TIMM23B: variants seen among roughly 807,000 people sequenced by gnomAD.
TIMM23B encodes the protein mitochondrial import inner membrane translocase subunit Tim23B.
A neutral mutation model predicts 27.3 loss-of-function variants in TIMM23B; 27 were observed. The ratio of observed to expected loss-of-function variants is 0.99; its 90% CI spans 0.73 to 1.36. The LOEUF (loss-of-function observed/expected upper bound fraction) is 1.36. TIMM23B is among the 40% of genes most tolerant of loss of function. The pLI, the probability that TIMM23B is intolerant of heterozygous loss-of-function variation, is 0.00. For missense variants in TIMM23B, 205 were observed against 244.2 expected (o/e 0.84, Z 1.07); for synonymous variants, 73 against 92.4 (o/e 0.79, Z 1.21).
chr10:49,970,804 C>T (rs1440636158), intron 6 of TIMM23B, among the ~76,000 whole-genome samples: 3 of 152,096 alleles, frequency 2.0e-5, no homozygotes, highest in African/African-American at 7.2e-5. Context: ...CCCCTCTGCC[C>T]GGCCGCCACC....
intron 1 of TIMM23B, among the ~76,000 whole-genome samples, chr10:49,943,737 G>T (rs1304356445): frequency 7.0e-5 from 8 of 113,628 alleles, no homozygotes; most frequent in East Asian, 2.4e-4. Flanking sequence ...GTTTTTGTGG[G>T]TTTTTTTTTT....
At chr10:49,962,454 G>A (rs1363208218) in intron 6 of TIMM23B, among the ~76,000 whole-genome samples, 6 of 152,138 alleles carry the variant, frequency 3.9e-5, no homozygotes, top group African/African-American at 1.4e-4. Context: ...GCCCACCTCA[G>A]CCTCCCAAAG....
chr10:49,949,197 C>CTTTTTTTT (rs1318050672), intron 2 of TIMM23B, among the ~76,000 whole-genome samples: 3 of 106,594 alleles, frequency 2.8e-5, no homozygotes, highest in South Asian at 7.1e-4. Context: ...CATGCCTGGC[C>CTTTTTTTT]TTTTTTTTTT....
chr10:49,955,285 A>T (rs1839678290), intron 5 of TIMM23B, among the ~76,000 whole-genome samples: 1 of 152,210 alleles, frequency 6.6e-6, no homozygotes, highest in Non-Finnish European at 1.5e-5. Flanking sequence ...CTGAATTTTT[A>T]AAATATTTTG....
At chr10:49,942,890 G>A (rs1208697760) in intron 1 of TIMM23B, among the ~76,000 whole-genome samples, 8 of 152,146 alleles carry the variant, frequency 5.3e-5, no homozygotes, top group East Asian at 1.9e-4. Flanking sequence ...GGTATACAGA[G>A]GCATAAATAT....
At chr10:49,963,809 A>G (rs1378628825) in intron 6 of TIMM23B, among the ~76,000 whole-genome samples, 14 of 152,172 alleles carry the variant, frequency 9.2e-5, no homozygotes, top group Admixed American at 2.6e-4. Flanking sequence ...CTACTAAAAT[A>G]CAAAAACTAG....
intron 5 of TIMM23B, among the ~76,000 whole-genome samples, chr10:49,957,140 C>G (rs1406344134): frequency 1.3e-5 from 2 of 152,024 alleles, no homozygotes; most frequent in Admixed American, 1.3e-4. Context: ...TGCTTCTGAC[C>G]AACCAGCTTT....
In TIMM23B at chr10:49,972,992, T is replaced by A; in HGVS notation, c.515-20T>A. 7.2e-7 allele frequency: 1 copy of A among 1,379,512 alleles called. No individual in the cohort carries two copies. Among genetic ancestry groups the A allele is most frequent in the Non-Finnish European group, 9.9e-7 (1 of 1,007,768 alleles). The allele number at this position is 1,379,512 out of a possible 1,614,324, so 85.5% of individuals were successfully genotyped here. On this transcript the variant is annotated intron_variant, in intron 6 of 6. Coordinates refer to ENST00000651259, the MANE Select transcript of TIMM23B (RefSeq NM_001290117.2). ...TTTCTTGATAATATGTTTGGTTATT[T>A]TTGTTTTCATTGCTTTTAGTGTCAG...
At chr10:49,955,809 A>T (rs1419329639) in intron 5 of TIMM23B, among the ~76,000 whole-genome samples, 2 of 152,192 alleles carry the variant, frequency 1.3e-5, no homozygotes, top group African/African-American at 4.8e-5. Context: ...TTGTCACAGA[A>T]TTTGGAAGCA....
chr10:49,962,031 A>G, intron 6 of TIMM23B, among the ~76,000 whole-genome samples: 1 of 150,654 alleles, frequency 6.6e-6, no homozygotes, highest in African/African-American at 2.4e-5. Flanking sequence ...GGGTCTTATG[A>G]AAGTTTTTGA....
At chr10:49,966,203 GATGAA>G (rs1244128011) in intron 6 of TIMM23B, among the ~76,000 whole-genome samples, 10 of 146,842 alleles carry the variant, frequency 6.8e-5, no homozygotes, top group African/African-American at 2.3e-4. Flanking sequence ...AAAATGAAAT[GATGAA>G]ATGAATAATG....
At position 49,949,175 on chromosome 10, in the gene TIMM23B, G is replaced by A. The variant is rs1462772119; in HGVS notation, c.166-2951G>A. On this transcript the variant is annotated intron_variant, in intron 2 of 6. Coordinates refer to ENST00000651259, the MANE Select transcript of TIMM23B (RefSeq NM_001290117.2). ...GGCCTCCCAAAGTGCTGGAATTACA[G>A]GCATGAGCCACCATGCCTGGCCTTT... Among the ~76,000 whole-genome samples, 104 of 147,882 alleles carry A rather than the reference G, an allele frequency of 7.0e-4. 3 individuals are homozygous for A. In the South Asian group the frequency reaches 0.02, roughly 29 times the overall value.
At chr10:49,944,118 A>G (rs1366984615) in intron 1 of TIMM23B, among the ~76,000 whole-genome samples, 1 of 152,164 alleles carries the variant, frequency 6.6e-6, no homozygotes, top group African/African-American at 2.4e-5. Context: ...GAAATCAGAG[A>G]GGTAGGGAAT....
chr10:49,960,621 C>A (rs1839865371), intron 6 of TIMM23B, among the ~76,000 whole-genome samples: 1 of 151,334 alleles, frequency 6.6e-6, no homozygotes, highest in East Asian at 2.0e-4. Flanking sequence ...TAAATTACCT[C>A]CACATGCTCA....
chr10:49,971,580 CTT>C (rs1554856582), intron 6 of TIMM23B, among the ~76,000 whole-genome samples: 1 of 152,222 alleles, frequency 6.6e-6, no homozygotes, highest in Non-Finnish European at 1.5e-5. Flanking sequence ...ACATTACAGT[CTT>C]TTCAGTGTGC....
At chr10:49,944,872 C>G (rs1204367248) in intron 1 of TIMM23B, among the ~76,000 whole-genome samples, 160 bp from the exon 2 acceptor site, 7 of 152,044 alleles carry the variant, frequency 4.6e-5, no homozygotes, top group Non-Finnish European at 8.8e-5. Flanking sequence ...TGAGTCAGCC[C>G]CCAAACTGAC....
At chr10:49,960,489 A>G (rs1367149473) in intron 6 of TIMM23B, among the ~76,000 whole-genome samples, 18 of 152,138 alleles carry the variant, frequency 1.2e-4, no homozygotes, top group Non-Finnish European at 2.6e-4. Context: ...ATTGTACAAA[A>G]TACGCTTAAA....
chr10:49,945,287 AT>A (rs1442920839), intron 2 of TIMM23B, among the ~76,000 whole-genome samples, 197 bp downstream of exon 2: 4 of 152,102 alleles, frequency 2.6e-5, no homozygotes, highest in African/African-American at 7.2e-5. Context: ...TCAAAAGCTT[AT>A]TTTTTAAAAC....
At chr10:49,949,071 A>G (rs1286612922) in intron 2 of TIMM23B, among the ~76,000 whole-genome samples, 1,595 of 147,732 alleles carry the variant, frequency 0.011, 31 homozygotes, top group African/African-American at 0.037. Context: ...TTTTTTTTAC[A>G]TTCTTTGTAG....
Sources: allele counts gnomAD v4.1 joint callset (sites outside exome capture counted in the v4.1 genomes callset), GRCh38; gene constraint gnomAD v4.1.1; transcripts MANE v1.5; gene names NCBI Gene and HGNC (gene_info 2026-07-23, HGNC 2026-07-21).